CBFA2T2: variants seen among roughly 807,000 people sequenced by gnomAD.
The protein encoded by CBFA2T2 is CBFA2/RUNX1 partner transcriptional co-repressor 2, also known as protein CBFA2T2.
In CBFA2T2, 11 loss-of-function variants were observed where a neutral mutation model predicts 62.2. The observed-to-expected ratio is 0.18, with a 90% confidence interval of 0.11 to 0.29. CBFA2T2 has a LOEUF of 0.29. Ranked by LOEUF, CBFA2T2 falls within the 10% of genes least tolerant of loss-of-function variation. The pLI is 1.00. For synonymous variants in CBFA2T2, 295 were observed against 287.5 expected, an observed-to-expected ratio of 1.03 and a Z score of -0.27; for missense variants, 592 against 774.1, an observed-to-expected ratio of 0.76 and a Z score of 2.79.
intron 1 of CBFA2T2, among the ~76,000 whole-genome samples, chr20:33,544,825 G>T (rs538171058): frequency 6.6e-6 from 1 of 152,154 alleles, no homozygotes; most frequent in African/African-American, 2.4e-5. Context: ...AATTACAGGC[G>T]TGAGCCACTG....
At chr20:33,591,862 A>T (rs865820756) in intron 1 of CBFA2T2, among the ~76,000 whole-genome samples, 2 of 38,194 alleles carry the variant, frequency 5.2e-5, no homozygotes, top group Non-Finnish European at 1.0e-4. Context: ...GCGGGGTGGG[A>T]GGGGGGGGCC....
chr20:33,637,958 C>T (rs1259754699), intron 9 of CBFA2T2, among the ~76,000 whole-genome samples: 3 of 142,712 alleles, frequency 2.1e-5, no homozygotes, highest in Admixed American at 7.1e-5. Flanking sequence ...TGAGCCACTG[C>T]ACCCGGCCTT....
intron 4 of CBFA2T2, 26 bp downstream of exon 4, chr20:33,619,632 T>C (rs2015856283): frequency 6.9e-7 from 1 of 1,450,058 alleles, no homozygotes; most frequent in African/African-American, 1.4e-5. Flanking sequence ...CTGAATATAA[T>C]TTATCTTGAA....
intron 4 of CBFA2T2, among the ~76,000 whole-genome samples, 197 bp downstream of exon 4, chr20:33,619,803 T>G (rs1326809975): frequency 1.3e-5 from 2 of 152,186 alleles, no homozygotes; most frequent in Non-Finnish European, 2.9e-5. Flanking sequence ...TAAGTTGTGG[T>G]CTGTGTGCAG....
intron 1 of CBFA2T2, among the ~76,000 whole-genome samples, chr20:33,596,097 A>G (rs2014872265): frequency 6.6e-6 from 1 of 152,188 alleles, no homozygotes. Context: ...TGACCTTTTC[A>G]TCTCATCTTT....
At position 33,615,419 on chromosome 20, in the gene CBFA2T2, T is replaced by C. The variant is rs563057327; in HGVS notation, c.420+4084T>C. Reference sequence around the variant, plus strand: ...CTAAGAAAATAATAAACATAAACAATATACACCAAGATAATCAGTTCAACA... The same window carrying C: ...CTAAGAAAATAATAAACATAAACAACATACACCAAGATAATCAGTTCAACA... On this transcript the variant is annotated intron_variant, in intron 3 of 10. Coordinates refer to ENST00000342704, the MANE Select transcript of CBFA2T2 (RefSeq NM_001032999.3). 5.9e-5 allele frequency among the ~76,000 whole-genome samples: 9 copies of C among 152,168 alleles called. No individual in the cohort carries two copies. The East Asian group carries it at 1.7e-3, about 29-fold the overall frequency.
chr20:33,622,780 C>G (rs889682240), intron 4 of CBFA2T2, among the ~76,000 whole-genome samples: 2 of 152,150 alleles, frequency 1.3e-5, no homozygotes, highest in African/African-American at 4.8e-5. Flanking sequence ...TAGTAATTCT[C>G]TCACTGACTA....
At chr20:33,496,748 A>C (rs2011203387) in intron 1 of CBFA2T2, among the ~76,000 whole-genome samples, 1 of 152,186 alleles carries the variant, frequency 6.6e-6, no homozygotes, top group African/African-American at 2.4e-5. Context: ...CGGAAAGTGC[A>C]TCAGAAAGGC....
chr20:33,524,816 G>A (rs1438093576), intron 1 of CBFA2T2, among the ~76,000 whole-genome samples: 2 of 152,144 alleles, frequency 1.3e-5, no homozygotes, highest in Non-Finnish European at 2.9e-5. Context: ...TGCTATATAT[G>A]TCAGAAAATG....
chr20:33,571,283 C>A lies in CBFA2T2; in HGVS notation c.35-35673C>A, dbSNP rs527441893. Among the ~76,000 whole-genome samples, 55 of 152,286 alleles carry A rather than the reference C, an allele frequency of 3.6e-4. No homozygotes were observed. In the South Asian group the frequency reaches 4.1e-3, roughly 11 times the overall value. Reference sequence around the variant, plus strand: ...GCTCTTCAACTTTTTTGGTTTGTTTCATTTTAATGTACTACTTTATTCTAT... The same window carrying A: ...GCTCTTCAACTTTTTTGGTTTGTTTAATTTTAATGTACTACTTTATTCTAT... On this transcript the variant is annotated intron_variant, in intron 1 of 10. Transcript: ENST00000342704.
rs869164142 is a variant in CBFA2T2, at chr20:33,494,243, G to GTATATATATA, written c.34+3964_34+3973dup. Among the ~76,000 whole-genome samples, 21 of 30,320 alleles carry GTATATATATA rather than the reference G, an allele frequency of 6.9e-4. 1 individual carries two copies. Among genetic ancestry groups the GTATATATATA allele is most frequent in the African/African-American group, 1.9e-3 (18 of 9,298 alleles). The allele number at this position is 30,320 out of a possible 152,430, so 19.9% of individuals were successfully genotyped here. A position where few individuals can be genotyped will look rare whatever the true frequency, so the allele number is the denominator to read the frequency against. ...TACTATGTATTAGGCATATATATGT[G>GTATATATATA]TATATATATATATATATATATATAT... is the stretch of plus-strand genomic sequence containing the variant. On this transcript the variant is annotated intron_variant, in intron 1 of 10. Transcript: ENST00000342704.
chr20:33,560,038 C>A (rs2013033999), intron 1 of CBFA2T2, among the ~76,000 whole-genome samples: 1 of 152,112 alleles, frequency 6.6e-6, no homozygotes, highest in Non-Finnish European at 1.5e-5. Flanking sequence ...AGTGAAAGAC[C>A]CACCTTGTTT....
At position 33,518,165 on chromosome 20, in the gene CBFA2T2, GT is replaced by G. The variant is rs555497985; in HGVS notation, c.34+27867del. Among the ~76,000 whole-genome samples the G allele has an allele frequency of 9.9e-5, 15 of 151,700 alleles. No homozygotes were observed. In the East Asian group the frequency reaches 2.9e-3, roughly 30 times the overall value. On this transcript the variant is annotated intron_variant, in intron 1 of 10. Transcript: ENST00000342704. ...GGGTTTCATTGTGTTAGCCAGGATG[GT>G]TTCGGTCTCCTGACCTCATGATCCG... is the stretch of plus-strand genomic sequence containing the variant.
chr20:33,592,288 G>A (rs2014680535), intron 1 of CBFA2T2, among the ~76,000 whole-genome samples: 1 of 151,300 alleles, frequency 6.6e-6, no homozygotes, highest in African/African-American at 2.4e-5. Flanking sequence ...GCTGGAACCT[G>A]GGAGGCGGAG....
At chr20:33,515,657 C>T (rs987170136) in intron 1 of CBFA2T2, among the ~76,000 whole-genome samples, 30 of 151,494 alleles carry the variant, frequency 2.0e-4, no homozygotes, top group African/African-American at 6.3e-4. Context: ...CAAAATTAGT[C>T]GGGCATGGTG....
At chr20:33,536,493 C>T (rs1015124767) in intron 1 of CBFA2T2, among the ~76,000 whole-genome samples, 1 of 151,010 alleles carries the variant, frequency 6.6e-6, no homozygotes, top group African/African-American at 2.5e-5. Context: ...CACCTCCCTC[C>T]CGGACGGGGT....
intron 1 of CBFA2T2, among the ~76,000 whole-genome samples, chr20:33,524,889 C>CAGTG (rs1264226991): frequency 6.6e-6 from 1 of 152,128 alleles, no homozygotes; most frequent in Admixed American, 6.5e-5. Context: ...GCATGGAGTA[C>CAGTG]AGTGGCACGA....
chr20:33,527,196 T>G (rs1404566471), intron 1 of CBFA2T2, among the ~76,000 whole-genome samples: 1 of 152,028 alleles, frequency 6.6e-6, no homozygotes, highest in Non-Finnish European at 1.5e-5. Flanking sequence ...ATTTTGTGTG[T>G]GTATTTTTGT....
chr20:33,534,564 C>T (rs1012691342), intron 1 of CBFA2T2, among the ~76,000 whole-genome samples: 2 of 152,044 alleles, frequency 1.3e-5, no homozygotes, highest in African/African-American at 2.4e-5. Context: ...CCGTCCACCT[C>T]GGCCTCCCAA....
Sources: gnomAD v4.1 joint callset for allele counts (sites outside exome capture counted in the v4.1 genomes callset) on GRCh38, gnomAD v4.1.1 for gene constraint, MANE v1.5 for transcripts, NCBI Gene and HGNC (gene_info 2026-07-23, HGNC 2026-07-21) for gene names.